Variants in ADPRH observed in about 807,000 individuals in gnomAD.
ADPRH encodes the protein ADP-ribosylarginine hydrolase.
In ADPRH, 27 loss-of-function variants were observed where a neutral mutation model predicts 28.8. The ratio of observed to expected loss-of-function variants is 0.94; its 90% CI spans 0.69 to 1.29. The LOEUF (loss-of-function observed/expected upper bound fraction) is 1.29. Among genes scored for constraint, ADPRH ranks in the 50% most tolerant of loss-of-function variants. The pLI, the probability that ADPRH is intolerant of heterozygous loss-of-function variation, is 0.00. For synonymous variants in ADPRH, 161 were observed against 166.9 expected, an observed-to-expected ratio of 0.96 and a Z score of 0.27; for missense variants, 419 against 444.8, an observed-to-expected ratio of 0.94 and a Z score of 0.52.
chr3:119,580,659 G>A (rs1405172072), intron 2 of ADPRH, 23 bp downstream of exon 2: 3 of 152,244 alleles, frequency 2.0e-5, no homozygotes, highest in Non-Finnish European at 4.4e-5. Context: ...TAGATAAGTG[G>A]AGGGGAGGGA....
intron 3 of ADPRH, among the ~76,000 whole-genome samples, chr3:119,584,889 T>C (rs6800094): frequency 8.9e-4 from 136 of 152,344 alleles, no homozygotes; most frequent in African/African-American, 3.2e-3. Flanking sequence ...TCACATGGTC[T>C]TTCCTCTGTG....
intron 3 of ADPRH, among the ~76,000 whole-genome samples, chr3:119,583,756 T>G (rs987130103): frequency 6.6e-6 from 1 of 152,040 alleles, no homozygotes; most frequent in African/African-American, 2.4e-5. Context: ...TAAAAAAAAT[T>G]TTTTTGAGTG....
chr3:119,585,541 G>GT (rs1257851784), intron 3 of ADPRH, among the ~76,000 whole-genome samples: 167 of 152,190 alleles, frequency 1.1e-3, no homozygotes, highest in African/African-American at 3.9e-3. Context: ...TGAGGTTTTT[G>GT]TTTTTTGTTT....
chr3:119,582,606 G>A, intron 3 of ADPRH, 139 bp downstream of exon 3: 2 of 1,059,500 alleles, frequency 1.9e-6, no homozygotes, highest in South Asian at 1.7e-5. Context: ...TAACGGCCAT[G>A]GTGGTGGCTC....
intron 4 of ADPRH, among the ~76,000 whole-genome samples, chr3:119,586,909 C>G (rs2082467141): frequency 6.6e-6 from 1 of 152,214 alleles, no homozygotes; most frequent in South Asian, 2.1e-4. Flanking sequence ...CTATCCTATT[C>G]TGCCATGAAT....
chr3:119,586,733 T>C, intron 4 of ADPRH, 88 bp downstream of exon 4: 1 of 1,541,932 alleles, frequency 6.5e-7, no homozygotes, highest in Non-Finnish European at 8.7e-7. Context: ...TATTCAGAGA[T>C]CACAGCAACC....
chr3:119,586,853 C>T (rs1487130142), intron 4 of ADPRH, among the ~76,000 whole-genome samples: 1 of 152,212 alleles, frequency 6.6e-6, no homozygotes, highest in African/African-American at 2.4e-5. Flanking sequence ...ATGAATAGGG[C>T]AGCTGTGGTG....
At chr3:119,587,413 A>T (rs1003611273) in intron 4 of ADPRH, 51 bp from the exon 5 acceptor site, 2 of 1,439,470 alleles carry the variant, frequency 1.4e-6, no homozygotes, top group African/African-American at 2.8e-5. Flanking sequence ...TTTTGTTATG[A>T]CTTTTCACTT....
At chr3:119,587,421 C>G (rs2082471975) in intron 4 of ADPRH, 43 bp from the exon 5 acceptor site, 1 of 1,458,640 alleles carries the variant, frequency 6.9e-7, no homozygotes, top group Non-Finnish European at 9.1e-7. Flanking sequence ...TGACTTTTCA[C>G]TTTATTTTTT....
Position 119,586,270 on chromosome 3 carries a change from C to A in ADPRH, c.299-15C>A, listed in dbSNP as rs751906391. 3 of 1,612,430 alleles carry A rather than the reference C, an allele frequency of 1.9e-6. No individual in the cohort carries two copies. The Admixed American group carries it at 5.0e-5, about 27-fold the overall frequency. On this transcript the variant is annotated splice_polypyrimidine_tract_variant and intron_variant, in intron 3 of 4. Coordinates refer to ENST00000357003, the MANE Select transcript of ADPRH (RefSeq NM_001125.4). ...GGTTATGCTAACCCCCATCCCTTATCCGACTCTTCCCCAGGTGGTGCCTCG... is the reference window on the plus strand; with the variant it reads ...GGTTATGCTAACCCCCATCCCTTATACGACTCTTCCCCAGGTGGTGCCTCG...
rs367917789 is a variant in ADPRH at position 119,587,642 on chromosome 3, G to A, written c.838G>A (p.Asp280Asn). The A allele has an allele frequency of 1.6e-5, 26 of 1,614,118 alleles. No homozygotes were observed. Among genetic ancestry groups the A allele is most frequent in the African/African-American group, 1.1e-4 (8 of 74,946 alleles). The change falls in exon 5 of 5, where the codon GAT (aspartate) becomes AAT (asparagine). Residue 280 changes from aspartate to asparagine, a missense_variant. Transcript: ENST00000357003. ...GCACGATGCCCCCATGATTGCCTAC[G>A]ATGCTGTTCTTGCTGCAGGAGACTC... ...SGHDAPMIAYDAVLAAGDSWK... is the reference protein window; with the variant it reads ...SGHDAPMIAYNAVLAAGDSWK...
chr3:119,586,560 G>C lies in ADPRH; in HGVS notation c.574G>C (p.Gly192Arg). ...GAATAGCAGACCACCCTTGCAGTGG[G>C]GAAAAGGACTGATGGAGCTGCTACC... ...AVNSRPPLQW[G>R]KGLMELLPEA... The change falls in exon 4 of 5, where the codon GGA becomes CGA. Residue 192 changes from glycine (G) to arginine (R), a missense_variant. Coordinates refer to ENST00000357003, the MANE Select transcript of ADPRH (RefSeq NM_001125.4). 1 of 1,614,108 alleles carries C rather than the reference G, an allele frequency of 6.2e-7. No individual in the cohort carries two copies. Among genetic ancestry groups the C allele is most frequent in the East Asian group, 2.2e-5 (1 of 44,892 alleles).
chr3:119,586,522 C>A lies in ADPRH; in HGVS notation c.536C>A (p.Thr179Lys). The part of the protein sequence containing the change: ...YLGALASALF[T>K]AYAVNSRPPL... ...GGGGCCCTTGCGTCTGCTCTTTTTA[C>A]AGCCTATGCTGTGAATAGCAGACCA... Residue 179 changes from threonine (T) to lysine (K), a missense_variant, in exon 4 of 5, where the codon ACA becomes AAA. Thr to Lys is a moderately conservative substitution (Grantham distance 78). Transcript: ENST00000357003. 1.2e-6 allele frequency: 2 copies of A among 1,614,254 alleles called. No homozygotes were observed. Among genetic ancestry groups the A allele is most frequent in the South Asian group, 2.2e-5 (2 of 91,088 alleles).
At chr3:119,580,948 G>T (rs868530221) in intron 2 of ADPRH, among the ~76,000 whole-genome samples, 1 of 152,196 alleles carries the variant, frequency 6.6e-6, no homozygotes, top group Middle Eastern at 3.4e-3. Context: ...TCGAAGGAAA[G>T]GTTGTGGGGA....
At position 119,580,567 on chromosome 3, in the gene ADPRH, A is replaced by G. The variant is rs995527838; in HGVS notation, c.-106A>G. On this transcript the variant is annotated 5_prime_UTR_variant, in exon 2 of 5. Transcript: ENST00000357003. Reference sequence around the variant, plus strand: ...CTTCTCCAGGGGCTCTCCAGCCTGCATTCCATGGCCAACAGCAGTGCAGCT... The same window carrying G: ...CTTCTCCAGGGGCTCTCCAGCCTGCGTTCCATGGCCAACAGCAGTGCAGCT... 6.6e-6 allele frequency: 1 copy of G among 152,380 alleles called. No individual in the cohort carries two copies. The highest frequency in any genetic ancestry group is 1.9e-4 in the East Asian group (1 of 5,190). 9.4% of individuals were successfully genotyped at this position (152,380 alleles called of 1,614,324 possible).
At position 119,587,662 on chromosome 3, in the gene ADPRH, A is replaced by G. The variant is rs1177890487; in HGVS notation, c.858A>G (p.Gly286=). Residue 286 remains glycine, a synonymous_variant, in exon 5 of 5, where the codon GGA becomes GGG. Coordinates refer to ENST00000357003, the MANE Select transcript of ADPRH (RefSeq NM_001125.4). ...MIAYDAVLAA[G]DSWKELAHRA... ...CCTACGATGCTGTTCTTGCTGCAGG[A>G]GACTCCTGGAAGGAGCTTGCCCACC... The G allele has an allele frequency of 3.7e-6, 6 of 1,614,152 alleles. No individual in the cohort carries two copies. The highest frequency in any genetic ancestry group is 5.1e-6 in the Non-Finnish European group (6 of 1,180,014).
In ADPRH at chr3:119,582,143, C is replaced by G. The variant is rs371596030; in HGVS notation, c.-27C>G. The G allele has an allele frequency of 6.9e-7, 1 of 1,452,312 alleles. No homozygotes were observed. Among genetic ancestry groups the G allele is most frequent in the Admixed American group, 1.9e-5 (1 of 52,864 alleles). 90.0% of individuals were successfully genotyped at this position (1,452,312 alleles called of 1,614,324 possible). A position where few individuals can be genotyped will look rare whatever the true frequency, so the allele number is the denominator to read the frequency against. On this transcript the variant is annotated 5_prime_UTR_variant, in exon 3 of 5. Transcript: ENST00000357003. ...TAATTTCCCCACAAAGACACCCTCT[C>G]CAGAGCCCAGCAATTGTGAGGGACT...
Position 119,582,282 on chromosome 3 carries a change from C to A in ADPRH, c.113C>A (p.Ala38Asp). 1.9e-6 allele frequency: 3 copies of A among 1,614,162 alleles called. No individual in the cohort carries two copies. Among genetic ancestry groups the A allele is most frequent in the Non-Finnish European group, 2.5e-6 (3 of 1,180,032 alleles). The part of the protein sequence containing the change: ...QDGEKIHRQL[A>D]QLGGLDALDV... The stretch of plus-strand genomic sequence containing the variant: ...GGGGAGAAGATACACCGGCAGTTGG[C>A]CCAGCTGGGCGGCTTGGATGCCCTA... Residue 38 changes from alanine to aspartate, a missense_variant, in exon 3 of 5, where the codon GCC (alanine) becomes GAC (aspartate). Physicochemically the swap from Ala to Asp is moderately radical, Grantham distance 126 (BLOSUM62 -2). Transcript: ENST00000357003.
At chr3:119,582,833 C>T (rs532943764) in intron 3 of ADPRH, among the ~76,000 whole-genome samples, 24 of 152,322 alleles carry the variant, frequency 1.6e-4, no homozygotes, top group Admixed American at 1.0e-3. Flanking sequence ...CTGAGCTCTG[C>T]CTCCATCAGA....
Sources: gnomAD v4.1 joint callset for allele counts (sites outside exome capture counted in the v4.1 genomes callset) on GRCh38, gnomAD v4.1.1 for gene constraint, MANE v1.5 for transcripts, NCBI Gene and HGNC (gene_info 2026-07-23, HGNC 2026-07-21) for gene names.